Variants in NCALD observed in about 807,000 individuals in gnomAD.
NCALD encodes neurocalcin-delta.
A neutral mutation model predicts 18.6 loss-of-function variants in NCALD; 10 were observed. The ratio of observed to expected loss-of-function variants is 0.54; its 90% confidence interval spans 0.33 to 0.91. NCALD has a LOEUF of 0.91. NCALD is among the 40% of genes least tolerant of loss of function. The pLI is 0.03. For synonymous variants in NCALD, 88 were observed against 87.4 expected, an observed-to-expected ratio of 1.01 and a Z score of -0.04; for missense variants, 184 against 247.6, an observed-to-expected ratio of 0.74 and a Z score of 1.72.
intron 4 of NCALD, among the ~76,000 whole-genome samples, chr8:101,885,233 T>C (rs1347847939): frequency 6.6e-6 from 1 of 152,204 alleles, no homozygotes; most frequent in Non-Finnish European, 1.5e-5. Context: ...CAGTAATAAT[T>C]ATAAACCTAG....
chr8:101,752,183 C>T (rs1030806025), intron 1 of NCALD, among the ~76,000 whole-genome samples: 1 of 151,976 alleles, frequency 6.6e-6, no homozygotes, highest in Non-Finnish European at 1.5e-5. Context: ...ATAATTCATC[C>T]ATAAAAAATG....
At chr8:101,900,764 T>C (rs1373758095) in intron 3 of NCALD, among the ~76,000 whole-genome samples, 3 of 151,996 alleles carry the variant, frequency 2.0e-5, no homozygotes, top group African/African-American at 7.2e-5. Context: ...GTTTGTTTTA[T>C]GGTTTATGGT....
chr8:101,725,728 G>A (rs913241936), intron 1 of NCALD, among the ~76,000 whole-genome samples: 1 of 152,176 alleles, frequency 6.6e-6, no homozygotes, highest in Non-Finnish European at 1.5e-5. Context: ...TTTGAGCATG[G>A]CGTCCAAGTA....
At chr8:101,719,955 G>A (rs969061713) in intron 1 of NCALD, among the ~76,000 whole-genome samples, 8 of 152,212 alleles carry the variant, frequency 5.3e-5, no homozygotes, top group African/African-American at 1.9e-4. Context: ...GGCAGGGAGA[G>A]AGGGAGAATT....
intron 1 of NCALD, among the ~76,000 whole-genome samples, chr8:102,045,202 C>T (rs1475005187): frequency 6.6e-6 from 1 of 152,130 alleles, no homozygotes; most frequent in African/African-American, 2.4e-5. Context: ...AAGCAGTAAT[C>T]AAGTGGTTGA....
At chr8:101,939,913 A>T (rs1397376409) in intron 2 of NCALD, among the ~76,000 whole-genome samples, 1 of 152,222 alleles carries the variant, frequency 6.6e-6, no homozygotes, top group African/African-American at 2.4e-5. Flanking sequence ...TGGCCATGTG[A>T]TCATAGGTCA....
intron 1 of NCALD, among the ~76,000 whole-genome samples, chr8:102,091,647 C>G (rs1034826738): frequency 1.3e-5 from 2 of 152,124 alleles, no homozygotes; most frequent in Non-Finnish European, 2.9e-5. Flanking sequence ...TGCTGTTGTA[C>G]AATATAGTGC....
intron 2 of NCALD, among the ~76,000 whole-genome samples, chr8:102,011,418 C>A (rs1055006854): frequency 6.6e-6 from 1 of 152,196 alleles, no homozygotes; most frequent in Non-Finnish European, 1.5e-5. Flanking sequence ...GTCACGAGGT[C>A]TCACTTGAGA....
intron 1 of NCALD, among the ~76,000 whole-genome samples, chr8:102,078,220 A>G (rs1400640645): frequency 6.6e-6 from 1 of 151,936 alleles, no homozygotes; most frequent in African/African-American, 2.4e-5. Flanking sequence ...ACTCACCTAC[A>G]AATCCTGCAA....
intron 2 of NCALD, among the ~76,000 whole-genome samples, chr8:102,004,819 C>T (rs886295727): frequency 6.6e-6 from 1 of 152,112 alleles, no homozygotes; most frequent in African/African-American, 2.4e-5. Context: ...GGAAAACTGG[C>T]TAGCCATATG....
intron 4 of NCALD, among the ~76,000 whole-genome samples, chr8:101,830,326 C>T (rs980769971): frequency 8.6e-5 from 13 of 152,042 alleles, no homozygotes; most frequent in Admixed American, 7.9e-4. Context: ...TTTGGGAGGC[C>T]GAGGCAGGCG....
intron 4 of NCALD, among the ~76,000 whole-genome samples, chr8:101,861,829 G>C (rs1348103474): frequency 2.0e-5 from 3 of 152,160 alleles, no homozygotes; most frequent in Admixed American, 6.5e-5. Flanking sequence ...AAAAGTAGGT[G>C]CCTTGTTGAC....
intron 2 of NCALD, among the ~76,000 whole-genome samples, chr8:102,002,933 C>G (rs1479002921): frequency 6.6e-6 from 1 of 151,962 alleles, no homozygotes; most frequent in African/African-American, 2.4e-5. Flanking sequence ...CAGGAAAGAT[C>G]TAAAATTGAC....
rs1039037583 is a variant in NCALD at position 101,688,747 on chromosome 8, A to C, written c.*562T>G. The C allele has an allele frequency of 1.9e-6, 1 of 535,184 alleles. No individual in the cohort carries two copies. The highest frequency in any genetic ancestry group is 3.6e-6 in the Non-Finnish European group (1 of 279,266). The allele number at this position is 535,184 out of a possible 1,614,324, so 33.2% of individuals were successfully genotyped here. A position where few individuals can be genotyped will look rare whatever the true frequency, so the allele number is the denominator to read the frequency against. On this transcript the variant is annotated 3_prime_UTR_variant, in exon 4 of 4. Transcript: ENST00000220931. ...TCTGTTAATTTATCTTGAAATGTTCACAGCTTAGAAACTACAGCCTGCTGG... is the reference window on the plus strand; with the variant it reads ...TCTGTTAATTTATCTTGAAATGTTCCCAGCTTAGAAACTACAGCCTGCTGG...
chr8:102,023,157 C>A (rs907139735), intron 1 of NCALD, among the ~76,000 whole-genome samples: 1 of 152,164 alleles, frequency 6.6e-6, no homozygotes, highest in African/African-American at 2.4e-5. Flanking sequence ...CCCTGAAGGC[C>A]CAGGCAGTGA....
chr8:101,780,882 C>G (rs1322731782), intron 1 of NCALD, among the ~76,000 whole-genome samples: 2 of 152,082 alleles, frequency 1.3e-5, no homozygotes, highest in Non-Finnish European at 2.9e-5. Context: ...GTTTGTGACT[C>G]TAACAAAATA....
At chr8:101,856,527 A>C (rs1432627229) in intron 4 of NCALD, among the ~76,000 whole-genome samples, 1 of 152,094 alleles carries the variant, frequency 6.6e-6, no homozygotes, top group Non-Finnish European at 1.5e-5. Flanking sequence ...TACGTGTAAG[A>C]TTTTATTTGA....
chr8:101,840,633 G>C (rs925161307), intron 4 of NCALD, among the ~76,000 whole-genome samples: 1 of 152,102 alleles, frequency 6.6e-6, no homozygotes, highest in African/African-American at 2.4e-5. Context: ...CATAAAGCAA[G>C]CAGGACAAGC....
chr8:101,935,870 T>A (rs1470356345), intron 2 of NCALD, among the ~76,000 whole-genome samples: 1 of 148,480 alleles, frequency 6.7e-6, no homozygotes. Context: ...GGAAAATCAA[T>A]GAAGCAGTGG....
Sources: allele counts gnomAD v4.1 joint callset (sites outside exome capture counted in the v4.1 genomes callset), GRCh38; gene constraint gnomAD v4.1.1; transcripts MANE v1.5; gene names NCBI Gene and HGNC (gene_info 2026-07-23, HGNC 2026-07-21).